Variants in ANKS1B observed in about 807,000 individuals in gnomAD.
ANKS1B encodes ankyrin repeat and sterile alpha motif domain-containing protein 1B.
ANKS1B carries 36 observed loss-of-function variants against 148.3 expected under a neutral mutation model. The observed-to-expected ratio is 0.24, with a 90% CI of 0.19 to 0.32. ANKS1B has a LOEUF of 0.32. Among genes scored for constraint, ANKS1B ranks in the 10% least tolerant of loss-of-function variants. The pLI is 1.00. For missense variants in ANKS1B, 1,157 were observed against 1,542.6 expected, an observed-to-expected ratio of 0.75 and a Z score of 4.19; for synonymous variants, 542 against 560.8, an observed-to-expected ratio of 0.97 and a Z score of 0.47.
chr12:99,327,258 TATA>T (rs1367969992), intron 12 of ANKS1B, among the ~76,000 whole-genome samples: 4 of 112,082 alleles, frequency 3.6e-5, no homozygotes, highest in South Asian at 2.4e-4. Context: ...ATTATAATTA[TATA>T]AATAATTATA....
intron 12 of ANKS1B, among the ~76,000 whole-genome samples, chr12:99,270,369 C>T (rs2076909454): frequency 6.6e-6 from 1 of 152,228 alleles, no homozygotes. Context: ...TTAGCCCTCA[C>T]CCCACCTACT....
chr12:99,368,040 C>T (rs1030438881), intron 12 of ANKS1B, among the ~76,000 whole-genome samples: 3 of 151,966 alleles, frequency 2.0e-5, no homozygotes, highest in Non-Finnish European at 2.9e-5. Flanking sequence ...TAATACGACT[C>T]GGAGAGAAAA....
intron 17 of ANKS1B, among the ~76,000 whole-genome samples, chr12:98,869,116 C>T (rs1031773317): frequency 6.6e-6 from 1 of 152,154 alleles, no homozygotes; most frequent in African/African-American, 2.4e-5. Context: ...CCCTTGCACA[C>T]CCCCGCCTTG....
intron 17 of ANKS1B, among the ~76,000 whole-genome samples, chr12:98,834,936 C>T (rs1397227424): frequency 6.6e-6 from 1 of 152,084 alleles, no homozygotes; most frequent in Non-Finnish European, 1.5e-5. Context: ...TTATTCTCAT[C>T]CTCAATTCCT....
intron 17 of ANKS1B, among the ~76,000 whole-genome samples, chr12:98,994,045 T>C (rs188344756): frequency 3.0e-3 from 457 of 152,316 alleles, no homozygotes; most frequent in Middle Eastern, 0.01. Flanking sequence ...TTTTACACAA[T>C]GTTCCTGTTT....
chr12:99,268,240 C>T (rs2076657836), intron 12 of ANKS1B, among the ~76,000 whole-genome samples: 1 of 152,180 alleles, frequency 6.6e-6, no homozygotes, highest in Non-Finnish European at 1.5e-5. Flanking sequence ...ACTCTATAGA[C>T]AGCGATCTCA....
intron 9 of ANKS1B, among the ~76,000 whole-genome samples, chr12:99,631,533 C>A (rs1257226492): frequency 2.0e-5 from 3 of 152,082 alleles, no homozygotes; most frequent in Non-Finnish European, 2.9e-5. Context: ...TAGAAATATG[C>A]ACAGTAAAGG....
At chr12:99,653,702 CAG>C (rs2098436669) in intron 9 of ANKS1B, among the ~76,000 whole-genome samples, 1 of 120,720 alleles carries the variant, frequency 8.3e-6, no homozygotes, top group Non-Finnish European at 1.6e-5. Flanking sequence ...TTTTTTGAGA[CAG>C]AGTCTCACTC....
intron 14 of ANKS1B, among the ~76,000 whole-genome samples, chr12:99,169,427 A>G (rs1051642332): frequency 2.0e-5 from 3 of 152,212 alleles, no homozygotes; most frequent in African/African-American, 7.2e-5. Flanking sequence ...AAAACTTCTG[A>G]ACAAGAGTTT....
intron 10 of ANKS1B, among the ~76,000 whole-genome samples, chr12:99,462,243 A>G (rs999639774): frequency 4.6e-5 from 7 of 152,224 alleles, no homozygotes; most frequent in Non-Finnish European, 7.3e-5. Flanking sequence ...AATTGCCTCA[A>G]CTGAAGAGAA....
chr12:99,794,292 C>T (rs180695989), intron 4 of ANKS1B, among the ~76,000 whole-genome samples: 253 of 152,038 alleles, frequency 1.7e-3, no homozygotes, highest in African/African-American at 5.9e-3. Context: ...AATAGAGCTA[C>T]CAAATGATCC....
chr12:99,678,644 C>T (rs1298303651), intron 8 of ANKS1B, among the ~76,000 whole-genome samples: 1 of 151,998 alleles, frequency 6.6e-6, no homozygotes, highest in Non-Finnish European at 1.5e-5. Flanking sequence ...TTGCACCAAA[C>T]TTAAAAAAAA....
chr12:99,577,292 CAAATAAATAAAT>C lies in ANKS1B; in HGVS notation c.1273-72663_1273-72652del, dbSNP rs71303566. The stretch of plus-strand genomic sequence containing the variant: ...GTCATTAAAAACTCTCTGTTCACAT[CAAATAAATAAAT>C]AAATAAATAAATAAATAAATAAATA... On this transcript the variant is annotated intron_variant, in intron 9 of 26. Transcript: ENST00000683438. Among the ~76,000 whole-genome samples the C allele has an allele frequency of 2.3e-3, 330 of 144,738 alleles. 1 individual carries two copies. Among genetic ancestry groups the C allele is most frequent in the African/African-American group, 6.5e-3 (256 of 39,614 alleles). The allele number at this position is 144,738 out of a possible 152,430, so 95.0% of individuals were successfully genotyped here.
At chr12:99,085,695 G>A (rs1251463778) in intron 15 of ANKS1B, among the ~76,000 whole-genome samples, 1 of 152,178 alleles carries the variant, frequency 6.6e-6, no homozygotes, top group Non-Finnish European at 1.5e-5. Context: ...AGAAAAGAAT[G>A]AGATCATGTC....
chr12:98,765,287 C>T (rs778274510), intron 25 of ANKS1B, among the ~76,000 whole-genome samples: 3 of 152,122 alleles, frequency 2.0e-5, no homozygotes, highest in Non-Finnish European at 4.4e-5. Flanking sequence ...TTTTTTGAGT[C>T]AGAGTCTTGC....
At chr12:99,218,189 T>G (rs1331103791) in intron 14 of ANKS1B, among the ~76,000 whole-genome samples, 1 of 152,194 alleles carries the variant, frequency 6.6e-6, no homozygotes, top group Admixed American at 6.6e-5. Flanking sequence ...TTCTGCTTTT[T>G]GAATTTAAAA....
intron 12 of ANKS1B, among the ~76,000 whole-genome samples, chr12:99,362,397 G>A (rs2092534547): frequency 6.6e-6 from 1 of 151,900 alleles, no homozygotes; most frequent in South Asian, 2.1e-4. Context: ...TATAGATAAG[G>A]CAACTGAGGT....
chr12:99,704,282 T>G (rs370965684), intron 8 of ANKS1B, among the ~76,000 whole-genome samples: 12 of 152,172 alleles, frequency 7.9e-5, no homozygotes, highest in African/African-American at 2.9e-4. Flanking sequence ...TGGAGGCCTT[T>G]TCCCCCTGCA....
intron 11 of ANKS1B, among the ~76,000 whole-genome samples, chr12:99,443,055 G>T (rs2095576677): frequency 6.6e-6 from 1 of 151,952 alleles, no homozygotes; most frequent in East Asian, 1.9e-4. Flanking sequence ...TCTAAAGCTT[G>T]CCTGCAAACC....
Sources: gnomAD v4.1 joint callset for allele counts (sites outside exome capture counted in the v4.1 genomes callset) on GRCh38, gnomAD v4.1.1 for gene constraint, MANE v1.5 for transcripts, NCBI Gene and HGNC (gene_info 2026-07-23, HGNC 2026-07-21) for gene names.